Variants in POM121C observed in about 807,000 individuals in gnomAD.
POM121C encodes POM121 transmembrane nucleoporin C, also known as nuclear envelope pore membrane protein POM 121C.
A neutral mutation model predicts 66.4 loss-of-function variants in POM121C; 20 were observed. The ratio of observed to expected loss-of-function variants is 0.30; its 90% CI spans 0.21 to 0.44. The LOEUF (loss-of-function observed/expected upper bound fraction) is 0.44, where lower values mean the gene tolerates loss of function less well. Among genes scored for constraint, POM121C ranks in the 20% least tolerant of loss-of-function variants. POM121C has a pLI of 1.00. For missense variants in POM121C, 580 were observed against 1,225.7 expected, an observed-to-expected ratio of 0.47 and a Z score of 7.87; for synonymous variants, 286 against 528.0, an observed-to-expected ratio of 0.54 and a Z score of 6.28.
chr7:75,452,634 C>T (rs1375506434), intron 3 of POM121C, among the ~76,000 whole-genome samples: 4 of 151,936 alleles, frequency 2.6e-5, no homozygotes, highest in African/African-American at 9.7e-5. Context: ...AGAGGGCAGC[C>T]GAAGCTCATC....
chr7:75,469,101 C>CTT (rs782685382), intron 3 of POM121C, among the ~76,000 whole-genome samples: 2 of 143,514 alleles, frequency 1.4e-5, no homozygotes. Context: ...GGTCTACTTT[C>CTT]TTTTTTTTTT....
intron 3 of POM121C, among the ~76,000 whole-genome samples, chr7:75,462,641 G>C (rs1398378803): frequency 3.3e-5 from 5 of 152,104 alleles, no homozygotes; most frequent in Admixed American, 2.6e-4. Flanking sequence ...GCTGCCTGAG[G>C]GCTGCCAAAA....
intron 7 of POM121C, among the ~76,000 whole-genome samples, chr7:75,431,074 CAAAAAAAA>C (rs34253601): frequency 1.7e-5 from 1 of 59,716 alleles, no homozygotes; most frequent in Non-Finnish European, 2.9e-5. Context: ...GACTCTGTCT[CAAAAAAAA>C]AAAAAAAAAA....
chr7:75,486,224 T>C lies in POM121C; in HGVS notation c.-818A>G. Reference sequence around the variant, plus strand: ...GCATCCAGCCCCGCAGACTCGGTGATTCTCGTCCACTAGAAGCCAAAGCCT... The same window carrying C: ...GCATCCAGCCCCGCAGACTCGGTGACTCTCGTCCACTAGAAGCCAAAGCCT... On this transcript the variant is annotated 5_prime_UTR_variant, in exon 1 of 15. Coordinates refer to ENST00000615331, the MANE Select transcript of POM121C (RefSeq NM_001099415.3). 3 of 286,190 alleles carry C rather than the reference T, an allele frequency of 1.0e-5. No individual in the cohort carries two copies. Among genetic ancestry groups the C allele is most frequent in the South Asian group, 8.2e-5 (3 of 36,478 alleles). The allele number at this position is 286,190 out of a possible 1,614,324, so 17.7% of individuals were successfully genotyped here.
intron 3 of POM121C, among the ~76,000 whole-genome samples, chr7:75,471,012 G>C (rs184343941): frequency 0.073 from 11,038 of 151,874 alleles, 497 homozygotes; most frequent in Non-Finnish European, 0.1. Flanking sequence ...AAAACCCAAA[G>C]ATTGACAACG....
intron 7 of POM121C, among the ~76,000 whole-genome samples, chr7:75,433,080 A>C (rs1329754902): frequency 2.0e-5 from 3 of 151,642 alleles, no homozygotes; most frequent in Non-Finnish European, 4.4e-5. Flanking sequence ...CTAAAAATAC[A>C]AAAAATTAGC....
At chr7:75,472,165 C>T (rs1356325032) in intron 3 of POM121C, among the ~76,000 whole-genome samples, 38 of 151,632 alleles carry the variant, frequency 2.5e-4, no homozygotes, top group Non-Finnish European at 5.0e-4. Context: ...GGATTACAGG[C>T]ATGAGCCACC....
chr7:75,440,033 A>C (rs1790573003), intron 5 of POM121C, among the ~76,000 whole-genome samples: 1 of 150,958 alleles, frequency 6.6e-6, no homozygotes, highest in African/African-American at 2.4e-5. Flanking sequence ...GGCACCCACC[A>C]CCACATCCAG....
In POM121C at chr7:75,425,033, G is replaced by A. The variant is rs1194100583; in HGVS notation, c.768+41C>T. 3 of 1,500,370 alleles carry A rather than the reference G, an allele frequency of 2.0e-6. 1 individual carries two copies. Among genetic ancestry groups the A allele is most frequent in the South Asian group, 2.7e-5 (2 of 73,338 alleles). The allele number at this position is 1,500,370 out of a possible 1,614,324, so 92.9% of individuals were successfully genotyped here. A position where few individuals can be genotyped will look rare whatever the true frequency, so the allele number is the denominator to read the frequency against. ...CTTAGCGTTCCTAAGACTTAGGAGA[G>A]CTAAGCCGGGGAGGGCAGGAGTAGA... On this transcript the variant is annotated intron_variant, in intron 10 of 14. Coordinates refer to ENST00000615331, the MANE Select transcript of POM121C (RefSeq NM_001099415.3).
chr7:75,448,802 A>G (rs1387902859), intron 3 of POM121C, among the ~76,000 whole-genome samples: 4 of 151,168 alleles, frequency 2.6e-5, no homozygotes, highest in Non-Finnish European at 5.9e-5. Flanking sequence ...CTCTGTCTCA[A>G]AAAAAAAAAA....
In POM121C at chr7:75,477,133, A is replaced by ACACACACACACACACT. The variant is rs1236003743; in HGVS notation, c.-457-1946_-457-1945insAGTGTGTGTGTGTGTG. Among the ~76,000 whole-genome samples the ACACACACACACACACT allele has an allele frequency of 6.7e-4, 98 of 146,934 alleles. 1 individual carries two copies. The highest frequency in any genetic ancestry group is 2.4e-3 in the African/African-American group (95 of 39,314). On this transcript the variant is annotated intron_variant, in intron 1 of 14. Coordinates refer to ENST00000615331, the MANE Select transcript of POM121C (RefSeq NM_001099415.3). ...TATACACACACACACACACACACACACTCTTATGCCTCAGTCTTCTCGGTC... is the reference window on the plus strand; with the variant it reads ...TATACACACACACACACACACACACACACACACACACACACTCTCTTATGCCTCAGTCTTCTCGGTC...
chr7:75,435,114 T>C (rs749001707), intron 7 of POM121C, among the ~76,000 whole-genome samples: 55 of 152,174 alleles, frequency 3.6e-4, no homozygotes, highest in Non-Finnish European at 6.9e-4. Flanking sequence ...TGAAAGGACA[T>C]ATGAACAAAT....
Position 75,439,151 on chromosome 7 carries a change from C to T in POM121C, c.301G>A (p.Val101Met), listed in dbSNP as rs377685202. 7 of 1,614,104 alleles carry T rather than the reference C, an allele frequency of 4.3e-6. No homozygotes were observed. Among genetic ancestry groups the T allele is most frequent in the Non-Finnish European group, 5.9e-6 (7 of 1,180,038 alleles). ...LVASGVPASF[V>M]PKPGSLKRGL... ...GGATGGACTCGCACTTACTTAGGCACAAAAGAAGCGGGGACTCCACTGGCC... is the reference window on the plus strand; with the variant it reads ...GGATGGACTCGCACTTACTTAGGCATAAAAGAAGCGGGGACTCCACTGGCC... The change falls in exon 6 of 15, where the codon GTG becomes ATG. Residue 101 changes from valine (V) to methionine (M), a missense_variant. Physicochemically the swap from Val to Met is conservative, Grantham distance 21 (BLOSUM62 1). Transcript: ENST00000615331.
intron 3 of POM121C, among the ~76,000 whole-genome samples, chr7:75,473,836 C>G (rs1791966365): frequency 6.6e-6 from 1 of 151,994 alleles, no homozygotes; most frequent in Admixed American, 6.6e-5. Context: ...CTACAGGCGC[C>G]CGCCACTACG....
At position 75,485,947 on chromosome 7, in the gene POM121C, G is replaced by T; in HGVS notation, c.-541C>A. On this transcript the variant is annotated 5_prime_UTR_variant, in exon 1 of 15. Transcript: ENST00000615331. Reference sequence around the variant, plus strand: ...GTCGCTGGCGCGCGCGTCTGCTCGCGAGGTCCCCTCCTGTCCACCTCACCA... The same window carrying T: ...GTCGCTGGCGCGCGCGTCTGCTCGCTAGGTCCCCTCCTGTCCACCTCACCA... 1 of 499,028 alleles carries T rather than the reference G, an allele frequency of 2.0e-6. No individual in the cohort carries two copies. The highest frequency in any genetic ancestry group is 6.0e-5 in the East Asian group (1 of 16,802). The allele number at this position is 499,028 out of a possible 1,614,324, so 30.9% of individuals were successfully genotyped here. A position where few individuals can be genotyped will look rare whatever the true frequency, so the allele number is the denominator to read the frequency against.
At chr7:75,472,088 G>A (rs1370137347) in intron 3 of POM121C, among the ~76,000 whole-genome samples, 2 of 151,742 alleles carry the variant, frequency 1.3e-5, no homozygotes, top group African/African-American at 2.4e-5. Flanking sequence ...GGGTTTCACC[G>A]TGTTTGCCAG....
intron 3 of POM121C, among the ~76,000 whole-genome samples, chr7:75,446,805 C>T (rs1399606732): frequency 1.1e-4 from 17 of 151,702 alleles, no homozygotes; most frequent in African/African-American, 3.1e-4. Flanking sequence ...GTCAGGAGAT[C>T]GAGACCATCC....
chr7:75,470,909 C>T (rs1339252337), intron 3 of POM121C, among the ~76,000 whole-genome samples: 3 of 152,166 alleles, frequency 2.0e-5, no homozygotes, highest in African/African-American at 7.2e-5. Context: ...GCTGGGATTA[C>T]AGGCATAAGC....
At chr7:75,457,742 C>T (rs1335121854) in intron 3 of POM121C, among the ~76,000 whole-genome samples, 1 of 152,222 alleles carries the variant, frequency 6.6e-6, no homozygotes, top group African/African-American at 2.4e-5. Context: ...AGCAAGGACT[C>T]TCCAACCCAT....
Sources: gnomAD v4.1 joint callset for allele counts (sites outside exome capture counted in the v4.1 genomes callset) on GRCh38, gnomAD v4.1.1 for gene constraint, MANE v1.5 for transcripts, NCBI Gene and HGNC (gene_info 2026-07-23, HGNC 2026-07-21) for gene names.